The following PRKG1 variants were observed in gnomAD, a reference collection of about 807,000 sequenced individuals.
PRKG1 encodes the protein protein kinase cGMP-dependent 1, also known as cGMP-dependent protein kinase 1.
A neutral mutation model predicts 88.1 loss-of-function variants in PRKG1; 35 were observed. The ratio of observed to expected loss-of-function variants is 0.40; its 90% confidence interval spans 0.30 to 0.53. The LOEUF (loss-of-function observed/expected upper bound fraction) is 0.53. Among genes scored for constraint, PRKG1 ranks in the 20% least tolerant of loss-of-function variants. The probability of loss-of-function intolerance (pLI) is 0.59; values close to 1 mark genes in which losing one functional copy is unlikely to be tolerated. For synonymous variants in PRKG1, 303 were observed against 292.5 expected, an observed-to-expected ratio of 1.04 and a Z score of -0.37; for missense variants, 540 against 839.8, an observed-to-expected ratio of 0.64 and a Z score of 4.41.
chr10:51,855,660 C>T (rs1336135156), intron 4 of PRKG1, among the ~76,000 whole-genome samples: 1 of 152,158 alleles, frequency 6.6e-6, no homozygotes, highest in Non-Finnish European at 1.5e-5. Context: ...GATGTTTTCA[C>T]TTAAAAATAA....
intron 2 of PRKG1, among the ~76,000 whole-genome samples, chr10:51,367,022 A>C (rs905928316): frequency 6.6e-6 from 1 of 151,870 alleles, no homozygotes; most frequent in Non-Finnish European, 1.5e-5. Context: ...TTGGATGGGG[A>C]ATTTTAAATT....
chr10:51,834,882 G>C (rs551628143), intron 4 of PRKG1, among the ~76,000 whole-genome samples: 8 of 152,088 alleles, frequency 5.3e-5, no homozygotes, highest in African/African-American at 1.9e-4. Flanking sequence ...GGGTCACTGA[G>C]TCTTGGGGCC....
At chr10:51,455,990 C>T (rs1296491006) in intron 2 of PRKG1, among the ~76,000 whole-genome samples, 1 of 152,182 alleles carries the variant, frequency 6.6e-6, no homozygotes, top group Non-Finnish European at 1.5e-5. Context: ...AGTCTGTTCT[C>T]ATGCTGCTAA....
intron 1 of PRKG1, among the ~76,000 whole-genome samples, chr10:51,117,536 G>T (rs908402911): frequency 1.5e-4 from 23 of 152,228 alleles, no homozygotes; most frequent in Admixed American, 2.6e-4. Context: ...GCTTACCACG[G>T]TTTGTTGAAT....
chr10:51,963,373 A>G (rs1053345744), intron 5 of PRKG1, among the ~76,000 whole-genome samples: 1 of 152,206 alleles, frequency 6.6e-6, no homozygotes, highest in Non-Finnish European at 1.5e-5. Context: ...AAGCTACAAA[A>G]GATGTGTTTT....
intron 2 of PRKG1, among the ~76,000 whole-genome samples, chr10:51,416,409 T>C (rs913599146): frequency 6.6e-6 from 1 of 152,188 alleles, no homozygotes; most frequent in Non-Finnish European, 1.5e-5. Context: ...TGAAAACTTC[T>C]GGATCTTGAT....
chr10:51,086,471 GGATAT>G (rs1319292549), intron 1 of PRKG1, among the ~76,000 whole-genome samples: 2 of 152,066 alleles, frequency 1.3e-5, no homozygotes, highest in South Asian at 2.1e-4. Context: ...GAAGCATTAT[GGATAT>G]GTGTGTTTGG....
At chr10:51,374,974 G>GGA (rs140088990) in intron 2 of PRKG1, among the ~76,000 whole-genome samples, 23 of 150,588 alleles carry the variant, frequency 1.5e-4, no homozygotes, top group East Asian at 5.8e-4. Flanking sequence ...AAAGTCAGAA[G>GGA]GAGAGAGAGA....
intron 3 of PRKG1, among the ~76,000 whole-genome samples, chr10:51,588,681 A>C (rs1838232056): frequency 6.6e-6 from 1 of 152,222 alleles, no homozygotes; most frequent in African/African-American, 2.4e-5. Flanking sequence ...TTTGATTGAA[A>C]TAAACCAATC....
chr10:52,171,474 A>G (rs117593103), intron 9 of PRKG1, among the ~76,000 whole-genome samples: 3,253 of 152,270 alleles, frequency 0.021, 45 homozygotes, highest in Non-Finnish European at 0.033. Context: ...ATTTTATTGC[A>G]GGGCAAAATA....
intron 2 of PRKG1, among the ~76,000 whole-genome samples, chr10:51,442,762 A>G (rs1358696112): frequency 1.3e-5 from 2 of 152,064 alleles, no homozygotes; most frequent in Non-Finnish European, 2.9e-5. Flanking sequence ...TTTAATAGAA[A>G]AAGTGTCATT....
chr10:51,424,995 G>GCCCT (rs928278113), intron 2 of PRKG1, among the ~76,000 whole-genome samples: 37 of 152,068 alleles, frequency 2.4e-4, no homozygotes, highest in African/African-American at 7.2e-4. Flanking sequence ...ACAGAATACA[G>GCCCT]CCCTCCCTCC....
In PRKG1 at chr10:51,518,611, A is replaced by G. The variant is rs183439041; in HGVS notation, c.592+50775A>G. Reference sequence around the variant, plus strand: ...GAATCCGGGAAAACAGATCCTTTAAATTGCCACATTCCAGTGGGAGATAAT... The same window carrying G: ...GAATCCGGGAAAACAGATCCTTTAAGTTGCCACATTCCAGTGGGAGATAAT... On this transcript the variant is annotated intron_variant, in intron 3 of 17. Transcript: ENST00000373980. Among the ~76,000 whole-genome samples, 189 of 152,318 alleles carry G rather than the reference A, an allele frequency of 1.2e-3. 1 individual carries two copies. Among genetic ancestry groups the G allele is most frequent in the African/African-American group, 4.3e-3 (180 of 41,566 alleles).
intron 7 of PRKG1, among the ~76,000 whole-genome samples, chr10:52,105,354 T>C (rs1313469468): frequency 6.6e-6 from 1 of 152,204 alleles, no homozygotes; most frequent in Non-Finnish European, 1.5e-5. Flanking sequence ...TGTAAACACA[T>C]CTCCAAGAAG....
At chr10:51,863,607 G>A (rs1589369354) in intron 4 of PRKG1, among the ~76,000 whole-genome samples, 1 of 152,102 alleles carries the variant, frequency 6.6e-6, no homozygotes, top group Non-Finnish European at 1.5e-5. Flanking sequence ...GAGATGTTTA[G>A]TTCATGAGAA....
chr10:52,064,081 C>T lies in PRKG1; in HGVS notation c.935+1450C>T, dbSNP rs74981134. 6.0e-4 allele frequency among the ~76,000 whole-genome samples: 91 copies of T among 152,194 alleles called. 1 individual carries two copies. The highest frequency in any genetic ancestry group is 1.9e-3 in the African/African-American group (78 of 41,578). Reference sequence around the variant, plus strand: ...GGCCCTCCCTGGTCTGAAGGTGGGGCCTTAATGGGGATCCACCACGTTTCT... The same window carrying T: ...GGCCCTCCCTGGTCTGAAGGTGGGGTCTTAATGGGGATCCACCACGTTTCT... On this transcript the variant is annotated intron_variant, in intron 7 of 17. Coordinates refer to ENST00000373980, the MANE Select transcript of PRKG1 (RefSeq NM_006258.4).
intron 5 of PRKG1, among the ~76,000 whole-genome samples, chr10:51,913,400 TGTC>T (rs1280811536): frequency 6.6e-6 from 1 of 152,228 alleles, no homozygotes; most frequent in Non-Finnish European, 1.5e-5. Flanking sequence ...CAGTGTCTGT[TGTC>T]CTCATTTTTA....
intron 3 of PRKG1, among the ~76,000 whole-genome samples, chr10:51,617,498 A>G (rs1410119941): frequency 6.6e-6 from 1 of 152,110 alleles, no homozygotes; most frequent in Non-Finnish European, 1.5e-5. Flanking sequence ...TGGCTTTCCT[A>G]GCCCACCACA....
intron 4 of PRKG1, among the ~76,000 whole-genome samples, chr10:51,848,173 G>A (rs1004735538): frequency 8.5e-5 from 13 of 152,104 alleles, no homozygotes; most frequent in African/African-American, 3.1e-4. Flanking sequence ...AAAGATGTAT[G>A]TGTTAATTAC....
Sources: gnomAD v4.1 joint callset for allele counts (sites outside exome capture counted in the v4.1 genomes callset) on GRCh38, gnomAD v4.1.1 for gene constraint, MANE v1.5 for transcripts, NCBI Gene and HGNC (gene_info 2026-07-23, HGNC 2026-07-21) for gene names.